NXF3: variants seen among roughly 807,000 people sequenced by gnomAD.
NXF3 encodes TAP-like protein 3.
NXF3 carries 34 observed loss-of-function variants against 48.4 expected under a neutral mutation model. The observed-to-expected ratio is 0.70, with a 90% confidence interval of 0.53 to 0.93. NXF3 has a LOEUF of 0.93. NXF3 is among the 40% of genes least tolerant of loss of function. The probability of loss-of-function intolerance (pLI) is 0.00; values close to 1 mark genes in which losing one functional copy is unlikely to be tolerated. For missense variants in NXF3, 359 were observed against 406.1 expected (o/e 0.88, Z 1.00); for synonymous variants, 132 against 145.7 (o/e 0.91, Z 0.68).
In NXF3 at chrX:103,084,879, G is replaced by T; in HGVS notation, c.33C>A (p.His11Gln). Residue 11 changes from histidine (H) to glutamine (Q), a missense_variant, in exon 2 of 20, where the codon CAC becomes CAA. Physicochemically the swap from His to Gln is conservative, Grantham distance 24. Coordinates refer to ENST00000395065, the MANE Select transcript of NXF3 (RefSeq NM_022052.2). ...CTCTTCTTTGAACAACTTGATCAGT[G>T]TGACCTTAAATTAAGAACAGCACAT... MSLPSGHTTG[H>Q]TDQVVQRRAR... 8.3e-7 allele frequency: 1 copy of T among 1,208,519 alleles called. No individual in the cohort carries two copies. The highest frequency in any genetic ancestry group is 3.0e-5 in the East Asian group (1 of 33,823).
chrX:103,091,984 C>CAA (rs59377364), intron 1 of NXF3, among the ~76,000 whole-genome samples: 1,002 of 47,154 alleles, frequency 0.021, no homozygotes, highest in African/African-American at 0.024. Flanking sequence ...GACTCCATCA[C>CAA]AAAAAAAAAA....
chrX:103,079,329 G>A (rs771318749), intron 15 of NXF3, 30 bp downstream of exon 15: 38 of 1,205,249 alleles, frequency 3.2e-5, no homozygotes, highest in Non-Finnish European at 4.0e-5. Flanking sequence ...GGCTTTCTGG[G>A]CCTGCCCAAG....
chrX:103,077,248 T>A (rs1921892115), intron 18 of NXF3, among the ~76,000 whole-genome samples: 1 of 97,495 alleles, frequency 1.0e-5, no homozygotes, highest in South Asian at 5.2e-4. Flanking sequence ...CACTTCTTTT[T>A]TTTTTTTTTT....
intron 17 of NXF3, 90 bp downstream of exon 17, chrX:103,078,470 T>C (rs1921924383): frequency 4.3e-6 from 5 of 1,169,663 alleles, no homozygotes; most frequent in Admixed American, 2.2e-5. Context: ...TTTTACAACA[T>C]TGAGAACACC....
At chrX:103,078,723 A>C in intron 16 of NXF3, 91 bp from the exon 17 acceptor site, 1 of 1,170,634 alleles carries the variant, frequency 8.5e-7, no homozygotes. Context: ...CTTGACACTC[A>C]CACAGAAGGG....
At chrX:103,080,341 T>C (rs1166366452) in intron 10 of NXF3, 125 bp from the exon 11 acceptor site, 1 of 719,562 alleles carries the variant, frequency 1.4e-6, no homozygotes, top group Non-Finnish European at 2.1e-6. Context: ...GGAAATTACG[T>C]GGGCAAGACT....
At position 103,079,368 on chromosome X, in the gene NXF3, C is replaced by A. The variant is rs2147590355; in HGVS notation, c.1326G>T (p.Trp442Cys). ...HDLSSFLVDM[W>C]YQTEWMLCFS... The stretch of plus-strand genomic sequence containing the variant: ...GGAAGCAGGTACTCACCGTCTGGTA[C>A]CACATGTCCACCAGGAAGGAGCTGA... Residue 442 changes from tryptophan to cysteine, a missense_variant, in exon 15 of 20, where the codon TGG becomes TGT. Transcript: ENST00000395065. 1 of 1,210,462 alleles carries A rather than the reference C, an allele frequency of 8.3e-7. No individual in the cohort carries two copies. Among genetic ancestry groups the A allele is most frequent in the Middle Eastern group, 2.3e-4 (1 of 4,348 alleles).
chrX:103,085,920 A>G (rs866661716), intron 1 of NXF3, among the ~76,000 whole-genome samples: 179 of 103,756 alleles, frequency 1.7e-3, no homozygotes, highest in African/African-American at 5.8e-3. Context: ...AAAAAAAAAA[A>G]AAAGAAAGAA....
In NXF3 at chrX:103,092,977, C is replaced by T. The variant is rs1266246608; in HGVS notation, c.28+19G>A. 1.7e-6 allele frequency: 2 copies of T among 1,206,329 alleles called. No homozygotes were observed. Among genetic ancestry groups the T allele is most frequent in the African/African-American group, 1.7e-5 (1 of 57,773 alleles). On this transcript the variant is annotated intron_variant, in intron 1 of 19. Transcript: ENST00000395065. Reference sequence around the variant, plus strand: ...GCCCTGTGAGACCTGAGACTCCAGCCTCATGCTGGCCAACTCACCCGTAGT... The same window carrying T: ...GCCCTGTGAGACCTGAGACTCCAGCTTCATGCTGGCCAACTCACCCGTAGT...
intron 1 of NXF3, chrX:103,087,363 A>G: frequency 8.4e-7 from 1 of 1,193,932 alleles, no homozygotes; most frequent in East Asian, 3.0e-5. Context: ...AGCCATTTGA[A>G]TGTGATGTGT....
At chrX:103,086,419 A>C (rs781356318) in intron 1 of NXF3, among the ~76,000 whole-genome samples, 16 of 111,244 alleles carry the variant, frequency 1.4e-4, no homozygotes, top group Non-Finnish European at 2.8e-4. Flanking sequence ...GATAGGGCAA[A>C]GATATATATT....
intron 9 of NXF3, 151 bp from the exon 10 acceptor site, chrX:103,080,763 G>C (rs747034559): frequency 4.1e-5 from 21 of 514,548 alleles, no homozygotes; most frequent in African/African-American, 3.7e-4. Context: ...GCAGCATTGG[G>C]AGCCCAGGCT....
At position 103,090,077 on chromosome X, in the gene NXF3, A is replaced by C. The variant is rs142682417; in HGVS notation, c.28+2919T>G. On this transcript the variant is annotated intron_variant, in intron 1 of 19. Transcript: ENST00000395065. ...TGCAGTTTTATCTTTTCAGAGGAATAATTTCAAGTCATTCATTTGCTCATT... is the reference window on the plus strand; with the variant it reads ...TGCAGTTTTATCTTTTCAGAGGAATCATTTCAAGTCATTCATTTGCTCATT... 4.4e-3 allele frequency among the ~76,000 whole-genome samples: 486 copies of C among 111,535 alleles called. 3 individuals carry two copies. The highest frequency in any genetic ancestry group is 0.014 in the African/African-American group (421 of 30,787).
rs1419777562 is a variant in NXF3 at position 103,084,736 on chromosome X, T to G, written c.176A>C (p.His59Pro). The change falls in exon 2 of 20, where the codon CAC becomes CCC. Residue 59 changes from histidine to proline, a missense_variant. Transcript: ENST00000395065. ...TTACTATCTTACTGGAGAGTCCATG[T>G]GGGCACCATGCATTGCTGCATCTCC... Reference protein sequence around the residue: ...QDGDAAMHGAHMDSPVRYTPY... With the variant: ...QDGDAAMHGAPMDSPVRYTPY... 7 of 1,210,342 alleles carry G rather than the reference T, an allele frequency of 5.8e-6. No individual in the cohort carries two copies. The Admixed American group carries it at 6.5e-5, about 11-fold the overall frequency.
chrX:103,079,745 C>G lies in NXF3; in HGVS notation c.1160+18G>C, dbSNP rs756728687. On this transcript the variant is annotated intron_variant, in intron 13 of 19. Transcript: ENST00000395065. ...GAGTCACATGGCCCTGGACCAGGGT[C>G]GGAGCTGTGATACTCACGGGGCTGA... is the stretch of plus-strand genomic sequence containing the variant. 2.9e-5 allele frequency: 35 copies of G among 1,200,166 alleles called. No individual in the cohort carries two copies. In the Admixed American group the frequency reaches 5.9e-4, roughly 20 times the overall value.
At chrX:103,091,767 C>T (rs1922281936) in intron 1 of NXF3, among the ~76,000 whole-genome samples, 1 of 110,206 alleles carries the variant, frequency 9.1e-6, no homozygotes, top group Non-Finnish European at 1.9e-5. Context: ...AGGTGGATCA[C>T]GAGGTCAGGA....
At position 103,080,140 on chromosome X, in the gene NXF3, C is replaced by T; in HGVS notation, c.996+8G>A. 1.7e-6 allele frequency: 2 copies of T among 1,211,084 alleles called. No homozygotes were observed. Among genetic ancestry groups the T allele is most frequent in the Non-Finnish European group, 2.2e-6 (2 of 895,047 alleles). On this transcript the variant is annotated splice_region_variant and intron_variant, in intron 11 of 19. Coordinates refer to ENST00000395065, the MANE Select transcript of NXF3 (RefSeq NM_022052.2). Reference sequence around the variant, plus strand: ...CATGCACCACCCTGCTGGATCCTCTCTTCTCACCTTACAGGTTGGTAACCT... The same window carrying T: ...CATGCACCACCCTGCTGGATCCTCTTTTCTCACCTTACAGGTTGGTAACCT...
intron 9 of NXF3, 65 bp downstream of exon 9, chrX:103,082,190 T>G: frequency 1.4e-6 from 1 of 735,390 alleles, no homozygotes; most frequent in Non-Finnish European, 2.2e-6. Flanking sequence ...TGCTGCCTCC[T>G]CCTGCAGAAG....
rs780321763 is a variant in NXF3, at chrX:103,085,776, G to A, written c.29-893C>T. 1.2e-4 allele frequency among the ~76,000 whole-genome samples: 13 copies of A among 108,357 alleles called. No individual in the cohort carries two copies. The East Asian group carries it at 2.6e-3, about 22-fold the overall frequency. The allele number at this position is 108,357 out of a possible 115,157, so 94.1% of individuals were successfully genotyped here. ...AAATTAGCCGGGCGTGATGGCGGGCGCCTGTAGTCCCAGCTACTCGGGAGG... is the reference window on the plus strand; with the variant it reads ...AAATTAGCCGGGCGTGATGGCGGGCACCTGTAGTCCCAGCTACTCGGGAGG... On this transcript the variant is annotated intron_variant, in intron 1 of 19. Transcript: ENST00000395065.
Sources: gnomAD v4.1 joint callset for allele counts (sites outside exome capture counted in the v4.1 genomes callset) on GRCh38, gnomAD v4.1.1 for gene constraint, MANE v1.5 for transcripts, NCBI Gene and HGNC (gene_info 2026-07-23, HGNC 2026-07-21) for gene names.